Variants in RIMS2 observed in about 807,000 individuals in gnomAD.
RIMS2 encodes the protein regulating synaptic membrane exocytosis 2, also known as regulating synaptic membrane exocytosis protein 2.
In RIMS2, 59 loss-of-function variants were observed where a neutral mutation model predicts 174.4. The ratio of observed to expected loss-of-function variants is 0.34; its 90% CI spans 0.27 to 0.42. The LOEUF (loss-of-function observed/expected upper bound fraction) is 0.42. Among genes scored for constraint, RIMS2 ranks in the 10% least tolerant of loss-of-function variants. The probability of loss-of-function intolerance (pLI) is 1.00; values close to 1 mark genes in which losing one functional copy is unlikely to be tolerated. For synonymous variants in RIMS2, 606 were observed against 572.5 expected, an observed-to-expected ratio of 1.06 and a Z score of -0.84; for missense variants, 1,620 against 1,666.3, an observed-to-expected ratio of 0.97 and a Z score of 0.48.
chr8:103,622,673 A>C (rs1172505160), intron 1 of RIMS2, among the ~76,000 whole-genome samples: 2 of 152,212 alleles, frequency 1.3e-5, no homozygotes, highest in African/African-American at 4.8e-5. Context: ...CCACCTGTTC[A>C]ACAAGGGTGC....
intron 19 of RIMS2, among the ~76,000 whole-genome samples, chr8:104,198,032 A>G (rs1316178604): frequency 6.6e-6 from 1 of 152,188 alleles, no homozygotes; most frequent in African/African-American, 2.4e-5. Context: ...AAGTATACCT[A>G]TGTTAATTGT....
intron 19 of RIMS2, among the ~76,000 whole-genome samples, chr8:104,191,106 G>C (rs1043186649): frequency 1.3e-5 from 2 of 151,900 alleles, no homozygotes; most frequent in Non-Finnish European, 2.9e-5. Context: ...CTTTTAGCAG[G>C]ATCTAGTTTC....
intron 19 of RIMS2, among the ~76,000 whole-genome samples, chr8:104,213,470 T>G (rs1248394031): frequency 6.6e-6 from 1 of 152,240 alleles, no homozygotes; most frequent in Non-Finnish European, 1.5e-5. Flanking sequence ...CATTACATTG[T>G]CAACTTTATG....
intron 3 of RIMS2, among the ~76,000 whole-genome samples, chr8:103,858,460 T>A (rs2099039836): frequency 6.6e-6 from 1 of 151,982 alleles, no homozygotes; most frequent in South Asian, 2.1e-4. Flanking sequence ...ATCAGAAAAA[T>A]TAAGTTAAGG....
At chr8:103,623,609 C>A (rs1296839743) in intron 1 of RIMS2, among the ~76,000 whole-genome samples, 1 of 150,696 alleles carries the variant, frequency 6.6e-6, no homozygotes, top group Non-Finnish European at 1.5e-5. Context: ...CTCAGCCTCC[C>A]GAGTAGCTGG....
At chr8:103,725,774 T>C (rs2097521341) in intron 2 of RIMS2, among the ~76,000 whole-genome samples, 1 of 152,212 alleles carries the variant, frequency 6.6e-6, no homozygotes, top group African/African-American at 2.4e-5. Context: ...TCAATTTTCA[T>C]TGCAAACAGT....
chr8:103,808,777 C>G (rs965582044), intron 3 of RIMS2, among the ~76,000 whole-genome samples: 1 of 152,130 alleles, frequency 6.6e-6, no homozygotes, highest in African/African-American at 2.4e-5. Flanking sequence ...TCTTTTTTCT[C>G]TATCTTGTTA....
chr8:103,989,534 G>T, intron 17 of RIMS2, 113 bp downstream of exon 19: 2 of 577,768 alleles, frequency 3.5e-6, no homozygotes, highest in East Asian at 2.9e-5. Flanking sequence ...CTGAAACAAT[G>T]TTTTTCTCTT....
At chr8:103,909,715 A>T (rs1454450739) in intron 4 of RIMS2, among the ~76,000 whole-genome samples, 1 of 152,056 alleles carries the variant, frequency 6.6e-6, no homozygotes, top group East Asian at 1.9e-4. Flanking sequence ...AAACTTTTTA[A>T]ATGTCCCTTA....
intron 3 of RIMS2, among the ~76,000 whole-genome samples, chr8:103,866,245 G>A (rs2099083850): frequency 6.6e-6 from 1 of 152,144 alleles, no homozygotes; most frequent in Admixed American, 6.6e-5. Context: ...AGCAGAAAGT[G>A]AGTGATATTC....
rs116458583 is a variant in RIMS2 at position 103,917,098 on chromosome 8, A to G, written c.2036+561A>G. Among the ~76,000 whole-genome samples the G allele has an allele frequency of 6.1e-3, 932 of 152,342 alleles. 11 individuals carry two copies. The highest frequency in any genetic ancestry group is 0.021 in the African/African-American group (881 of 41,588). On this transcript the variant is annotated intron_variant, in intron 8 of 23. Coordinates refer to ENST00000504942, the Ensembl canonical transcript of RIMS2. ...TTAAAATTGACAGTTTCCAAACATTAGCAATAAATATTAAAGAGGCAAGTG... is the reference window on the plus strand; with the variant it reads ...TTAAAATTGACAGTTTCCAAACATTGGCAATAAATATTAAAGAGGCAAGTG...
intron 1 of RIMS2, among the ~76,000 whole-genome samples, chr8:103,612,525 T>C (rs1484124863): frequency 6.6e-6 from 1 of 152,220 alleles, no homozygotes; most frequent in Non-Finnish European, 1.5e-5. Flanking sequence ...TTGGTGGCCT[T>C]GTATAACATC....
chr8:103,904,450 T>C (rs2073934555), intron 4 of RIMS2, among the ~76,000 whole-genome samples: 1 of 152,090 alleles, frequency 6.6e-6, no homozygotes, highest in African/African-American at 2.4e-5. Flanking sequence ...TGGATTTTTA[T>C]TGTTGTTCTA....
intron 13 of RIMS2, among the ~76,000 whole-genome samples, chr8:103,941,651 C>G (rs924418482): frequency 6.6e-6 from 1 of 152,070 alleles, no homozygotes; most frequent in East Asian, 1.9e-4. Flanking sequence ...TTTCTACAGA[C>G]TTACATTTTG....
intron 3 of RIMS2, among the ~76,000 whole-genome samples, chr8:103,792,144 AT>A (rs2098505073): frequency 6.6e-6 from 1 of 152,236 alleles, no homozygotes; most frequent in African/African-American, 2.4e-5. Flanking sequence ...CATCGCACTT[AT>A]TCTAAAACTG....
intron 19 of RIMS2, among the ~76,000 whole-genome samples, chr8:104,178,407 T>G (rs1328394409): frequency 6.6e-6 from 1 of 152,166 alleles, no homozygotes; most frequent in African/African-American, 2.4e-5. Flanking sequence ...AAGTCCCTCT[T>G]GTGTTTTCAG....
In RIMS2 at chr8:103,794,270, A is replaced by G. The variant is rs577293853; in HGVS notation, c.698+27733A>G. On this transcript the variant is annotated intron_variant, in intron 3 of 23. Transcript: ENST00000504942. The stretch of plus-strand genomic sequence containing the variant: ...ATGGAACAGAACAGAGCCCTCAGAA[A>G]GAATACCACACATCTAAAACCATCT... Among the ~76,000 whole-genome samples the G allele has an allele frequency of 1.3e-4, 20 of 152,330 alleles. No homozygotes were observed. The South Asian group carries it at 3.9e-3, about 30-fold the overall frequency.
At chr8:103,754,518 T>C (rs1184214888) in intron 2 of RIMS2, among the ~76,000 whole-genome samples, 2 of 152,184 alleles carry the variant, frequency 1.3e-5, no homozygotes, top group African/African-American at 2.4e-5. Context: ...TGTCTCTTGT[T>C]GACAGTGGGG....
At chr8:103,559,680 T>C (rs1306247740) in intron 1 of RIMS2, among the ~76,000 whole-genome samples, 1 of 152,204 alleles carries the variant, frequency 6.6e-6, no homozygotes, top group Admixed American at 6.5e-5. Flanking sequence ...ATTCAATAGA[T>C]ACTTAATGAA....
Sources: gnomAD v4.1 joint callset for allele counts (sites outside exome capture counted in the v4.1 genomes callset) on GRCh38, gnomAD v4.1.1 for gene constraint, MANE v1.5 for transcripts, NCBI Gene and HGNC (gene_info 2026-07-23, HGNC 2026-07-21) for gene names.